The following PDE8B variants were observed in gnomAD, a reference collection of about 807,000 sequenced individuals.
PDE8B encodes the protein high affinity cAMP-specific and IBMX-insensitive 3',5'-cyclic phosphodiesterase 8B.
A neutral mutation model predicts 101.3 loss-of-function variants in PDE8B; 26 were observed. The ratio of observed to expected loss-of-function variants is 0.26; its 90% CI spans 0.19 to 0.36. PDE8B has a LOEUF of 0.36. PDE8B is among the 10% of genes least tolerant of loss of function. PDE8B has a pLI of 1.00. For synonymous variants in PDE8B, 424 were observed against 429.3 expected (o/e 0.99, Z 0.15); for missense variants, 810 against 1,163.1 (o/e 0.70, Z 4.42).
chr5:77,393,846 T>G (rs1342693199), intron 10 of PDE8B, among the ~76,000 whole-genome samples: 1 of 151,688 alleles, frequency 6.6e-6, no homozygotes, highest in African/African-American at 2.4e-5. Flanking sequence ...TATTCTTTAC[T>G]TACCAGAGGC....
intron 7 of PDE8B, 28 bp from the exon 8 acceptor site, chr5:77,349,391 C>T: frequency 1.2e-6 from 2 of 1,613,908 alleles, no homozygotes; most frequent in Non-Finnish European, 1.7e-6. Flanking sequence ...TGTCCCCGCA[C>T]TGATCTGTAC....
chr5:77,301,784 G>A (rs1770000601), intron 1 of PDE8B, among the ~76,000 whole-genome samples: 1 of 152,216 alleles, frequency 6.6e-6, no homozygotes, highest in African/African-American at 2.4e-5. Flanking sequence ...CTAGTCATTT[G>A]TGGCTGAATT....
At chr5:77,235,917 T>C (rs1383031006) in intron 1 of PDE8B, among the ~76,000 whole-genome samples, 1 of 152,156 alleles carries the variant, frequency 6.6e-6, no homozygotes, top group East Asian at 1.9e-4. Context: ...GTTGGTACTA[T>C]AATTATCCCC....
chr5:77,427,884 G>A lies in PDE8B; in HGVS notation c.*1330G>A, dbSNP rs559115472. ...CATTTTTAAAAGGTATAAACAAACAGAGACTGAATTAATTGAATCAGTAAT... is the reference window on the plus strand; with the variant it reads ...CATTTTTAAAAGGTATAAACAAACAAAGACTGAATTAATTGAATCAGTAAT... On this transcript the variant is annotated 3_prime_UTR_variant, in exon 22 of 22. Coordinates refer to ENST00000264917, the MANE Select transcript of PDE8B (RefSeq NM_003719.5). 6.6e-6 allele frequency: 1 copy of A among 152,130 alleles called. No individual in the cohort carries two copies. Among genetic ancestry groups the A allele is most frequent in the Non-Finnish European group, 1.5e-5 (1 of 68,032 alleles). The allele number at this position is 152,130 out of a possible 1,614,324, so 9.4% of individuals were successfully genotyped here.
intron 8 of PDE8B, among the ~76,000 whole-genome samples, chr5:77,349,955 T>G (rs935789209): frequency 2.0e-5 from 3 of 152,136 alleles, no homozygotes; most frequent in African/African-American, 7.2e-5. Flanking sequence ...TTTTCCCAGT[T>G]TTCCTTTTCT....
intron 10 of PDE8B, among the ~76,000 whole-genome samples, chr5:77,392,695 T>A (rs1790184169): frequency 6.6e-6 from 1 of 152,170 alleles, no homozygotes; most frequent in African/African-American, 2.4e-5. Flanking sequence ...AAACCAGCTC[T>A]TAAAATCTCA....
chr5:77,290,392 G>C (rs1767025276), intron 1 of PDE8B: 1 of 1,385,200 alleles, frequency 7.2e-7, no homozygotes, highest in Non-Finnish European at 1.0e-6. Context: ...ATGACCTGTT[G>C]CTCTGCTAAC....
At chr5:77,256,694 A>T (rs1439612558) in intron 1 of PDE8B, among the ~76,000 whole-genome samples, 2 of 152,232 alleles carry the variant, frequency 1.3e-5, no homozygotes, top group Non-Finnish European at 2.9e-5. Context: ...GTATTCAGAC[A>T]TCAACATCAC....
intron 10 of PDE8B, among the ~76,000 whole-genome samples, chr5:77,381,107 C>A (rs1482880655): frequency 6.6e-6 from 1 of 152,212 alleles, no homozygotes. Flanking sequence ...GGGACCAGGC[C>A]ATGCAGCAGA....
At chr5:77,160,064 C>A in the PDE8B span, among the ~76,000 whole-genome samples, 1 of 152,162 alleles carries the variant, frequency 6.6e-6, no homozygotes, top group Non-Finnish European at 1.5e-5. Flanking sequence ...AGAGGGAATG[C>A]AGGCATGCCC....
At chr5:77,375,935 C>T (rs1786034483) in intron 10 of PDE8B, among the ~76,000 whole-genome samples, 1 of 117,972 alleles carries the variant, frequency 8.5e-6, no homozygotes, top group Non-Finnish European at 1.7e-5. Flanking sequence ...CCTTGTTGCC[C>T]AGGCTGGAGT....
At chr5:77,190,653 G>T in the PDE8B span, among the ~76,000 whole-genome samples, 9,820 of 152,224 alleles carry the variant, frequency 0.065, 515 homozygotes, top group African/African-American at 0.15. Flanking sequence ...CCCTGGTAAG[G>T]TCTGACTGGT....
At chr5:77,341,074 T>A (rs1779134553) in intron 6 of PDE8B, among the ~76,000 whole-genome samples, 1 of 152,168 alleles carries the variant, frequency 6.6e-6, no homozygotes, top group Non-Finnish European at 1.5e-5. Flanking sequence ...CAAGAACAGA[T>A]ATTAATAAAG....
intron 2 of PDE8B, among the ~76,000 whole-genome samples, chr5:77,317,668 A>C (rs537992913): frequency 6.6e-6 from 1 of 152,336 alleles, no homozygotes; most frequent in East Asian, 1.9e-4. Context: ...ATACTGTCTG[A>C]AAAATCAAGT....
rs531840858 is a variant in PDE8B at position 77,403,653 on chromosome 5, A to G, written c.1211-1067A>G. Among the ~76,000 whole-genome samples the G allele has an allele frequency of 2.6e-5, 4 of 152,236 alleles. No individual in the cohort carries two copies. In the South Asian group the frequency reaches 8.3e-4, roughly 32 times the overall value. ...TGCATGATAGGAAAATTACTAAGGAAGATAAAAATTAGGAAAAGAGATAGT... is the reference window on the plus strand; with the variant it reads ...TGCATGATAGGAAAATTACTAAGGAGGATAAAAATTAGGAAAAGAGATAGT... On this transcript the variant is annotated intron_variant, in intron 11 of 21. Coordinates refer to ENST00000264917, the MANE Select transcript of PDE8B (RefSeq NM_003719.5).
intron 10 of PDE8B, among the ~76,000 whole-genome samples, chr5:77,354,603 C>T (rs745439432): frequency 2.3e-4 from 35 of 152,198 alleles, no homozygotes; most frequent in Non-Finnish European, 4.7e-4. Context: ...AACTTCTGAA[C>T]ACAAGCAGTG....
At chr5:77,292,081 G>A (rs925379447) in intron 1 of PDE8B, among the ~76,000 whole-genome samples, 1 of 151,344 alleles carries the variant, frequency 6.6e-6, no homozygotes, top group Admixed American at 6.6e-5. Flanking sequence ...GTGCTAAGGA[G>A]CAAAGTAATC....
At chr5:77,240,025 T>C (rs1755431009) in intron 1 of PDE8B, among the ~76,000 whole-genome samples, 2 of 152,196 alleles carry the variant, frequency 1.3e-5, no homozygotes, top group Admixed American at 1.3e-4. Flanking sequence ...GTACTTTTTC[T>C]GTGATCCTTC....
intron 20 of PDE8B, among the ~76,000 whole-genome samples, chr5:77,422,854 G>GGAGT (rs1341225794): frequency 6.6e-6 from 1 of 152,202 alleles, no homozygotes; most frequent in Admixed American, 6.5e-5. Flanking sequence ...ACTGGGAAGG[G>GGAGT]GAGTGACCAG....
Sources: allele counts gnomAD v4.1 joint callset (sites outside exome capture counted in the v4.1 genomes callset), GRCh38; gene constraint gnomAD v4.1.1; transcripts MANE v1.5; gene names NCBI Gene and HGNC (gene_info 2026-07-23, HGNC 2026-07-21).